FRMPD4: variants seen among roughly 807,000 people sequenced by gnomAD.
FRMPD4 encodes FERM and PDZ domain-containing protein 4.
Under a neutral mutation model 94.1 loss-of-function variants are expected in FRMPD4, and 22 were observed. That is an observed-to-expected ratio of 0.23 (90% confidence interval 0.17 to 0.33). The LOEUF is 0.33. FRMPD4 is among the 10% of genes least tolerant of loss of function. The probability of loss-of-function intolerance (pLI) is 1.00; values close to 1 mark genes in which losing one functional copy is unlikely to be tolerated. For missense variants in FRMPD4, 1,111 were observed against 1,339.9 expected (o/e 0.83, Z 2.67); for synonymous variants, 631 against 548.6 (o/e 1.15, Z -2.10).
chrX:12,366,055 GT>G (rs752014613), intron 1 of FRMPD4, among the ~76,000 whole-genome samples: 3 of 112,264 alleles, frequency 2.7e-5, no homozygotes, highest in Non-Finnish European at 3.8e-5. Context: ...TATGATAGGG[GT>G]TGGGATAGAG....
intron 2 of FRMPD4, among the ~76,000 whole-genome samples, chrX:12,508,727 C>A (rs113342024): frequency 0.013 from 1,417 of 110,994 alleles, 23 homozygotes; most frequent in African/African-American, 0.044. Context: ...GGTGTGGTGG[C>A]TCACGCTTGT....
chrX:11,966,125 G>T (rs1048828562), intron 3 of FRMPD4, among the ~76,000 whole-genome samples: 2 of 111,383 alleles, frequency 1.8e-5, no homozygotes, highest in African/African-American at 6.5e-5. Flanking sequence ...AGAATTAATT[G>T]AAACTTTTCT....
chrX:12,232,924 T>A (rs2057029501), intron 1 of FRMPD4, among the ~76,000 whole-genome samples: 1 of 111,927 alleles, frequency 8.9e-6, no homozygotes, highest in African/African-American at 3.2e-5. Context: ...ACAGGATTCT[T>A]TCAGGAAGAA....
Position 12,716,479 on chromosome X carries a change from C to G in FRMPD4, c.2020C>G (p.Leu674Val). Residue 674 changes from leucine to valine, a missense_variant, in exon 15 of 17, where the codon CTA becomes GTA. By Grantham distance (32) the Leu-to-Val change is conservative (BLOSUM62 1). Around this residue, in one of 8 missense-constraint regions of FRMPD4, gnomAD observed 192 missense variants for 192.5 expected, o/e 1.00. Transcript: ENST00000675598. ...ISPPTLGYET[L>V]LDEGPEMLEK... is the part of the protein sequence containing the mutation. The stretch of plus-strand genomic sequence containing the variant: ...TCCCCCAACCCTTGGCTATGAAACG[C>G]TACTAGATGAGGGTCCTGAAATGCT... 3 of 1,210,553 alleles carry G rather than the reference C, an allele frequency of 2.5e-6. No individual in the cohort carries two copies. Among genetic ancestry groups the G allele is most frequent in the Non-Finnish European group, 3.4e-6 (3 of 894,861 alleles).
At chrX:12,086,499 T>C (rs988181275) in intron 3 of FRMPD4, among the ~76,000 whole-genome samples, 6 of 111,951 alleles carry the variant, frequency 5.4e-5, no homozygotes, top group Non-Finnish European at 9.4e-5. Context: ...GGGTCATTAA[T>C]GTTTAATCTA....
chrX:12,501,437 T>C (rs2057918760), intron 2 of FRMPD4, among the ~76,000 whole-genome samples: 1 of 92,509 alleles, frequency 1.1e-5, no homozygotes, highest in African/African-American at 3.5e-5. Flanking sequence ...TCTTTTCCTT[T>C]CCTTGTTTTT....
intron 3 of FRMPD4, among the ~76,000 whole-genome samples, chrX:11,900,958 C>CAGTG (rs2053933580): frequency 9.0e-6 from 1 of 111,379 alleles, no homozygotes. Context: ...GCCACCACAT[C>CAGTG]AGTGGTTCAT....
chrX:11,875,013 G>A (rs1292426399), intron 2 of FRMPD4, among the ~76,000 whole-genome samples: 2 of 112,370 alleles, frequency 1.8e-5, no homozygotes, highest in Admixed American at 9.4e-5. Context: ...GGCCTTGAAC[G>A]TGAATGTCAG....
chrX:12,054,326 G>A (rs2054841425), intron 3 of FRMPD4, among the ~76,000 whole-genome samples: 1 of 111,114 alleles, frequency 9.0e-6, no homozygotes, highest in Non-Finnish European at 1.9e-5. Flanking sequence ...ACAGATAATG[G>A]TTTAAAGGAC....
chrX:12,361,044 C>T (rs1172660243), intron 1 of FRMPD4, among the ~76,000 whole-genome samples: 1 of 110,059 alleles, frequency 9.1e-6, no homozygotes, highest in Admixed American at 9.7e-5. Context: ...ACAGAAGTCA[C>T]CCAATTTTGT....
intron 3 of FRMPD4, among the ~76,000 whole-genome samples, chrX:11,959,981 T>G (rs889371668): frequency 9.0e-6 from 1 of 111,353 alleles, no homozygotes; most frequent in Admixed American, 9.5e-5. Context: ...GCTCAAGTGT[T>G]TCAAATGATG....
At chrX:12,395,565 TTTCTC>T (rs1482245900) in intron 1 of FRMPD4, among the ~76,000 whole-genome samples, 3 of 111,769 alleles carry the variant, frequency 2.7e-5, no homozygotes, top group Non-Finnish European at 5.6e-5. Context: ...TTTGACATAA[TTTCTC>T]TTGAGAGTTA....
At chrX:12,242,505 T>C (rs1181669629) in intron 1 of FRMPD4, among the ~76,000 whole-genome samples, 1 of 112,643 alleles carries the variant, frequency 8.9e-6, no homozygotes, top group Non-Finnish European at 1.9e-5. Flanking sequence ...AATGGATTTC[T>C]GCATAACACA....
In FRMPD4 at chrX:12,189,767, G is replaced by A. The variant is rs1282547253; in HGVS notation, c.41+50755G>A. Among the ~76,000 whole-genome samples, 3 of 111,419 alleles carry A rather than the reference G, an allele frequency of 2.7e-5. No individual in the cohort carries two copies. In the South Asian group the frequency reaches 1.1e-3, roughly 42 times the overall value. On this transcript the variant is annotated intron_variant, in intron 1 of 16. Coordinates refer to ENST00000675598, the MANE Select transcript of FRMPD4 (RefSeq NM_001368397.1). ...ACAGAATGCACATAAAAAACGTACAGCTAACATACTTAGTGGAGAAAAACT... is the reference window on the plus strand; with the variant it reads ...ACAGAATGCACATAAAAAACGTACAACTAACATACTTAGTGGAGAAAAACT...
intron 4 of FRMPD4, among the ~76,000 whole-genome samples, chrX:12,627,486 A>C: frequency 8.9e-6 from 1 of 112,044 alleles, no homozygotes; most frequent in Non-Finnish European, 1.9e-5. Flanking sequence ...GTTTTCTGAT[A>C]ATTGCAAATT....
At chrX:12,291,476 C>T (rs1569220446) in intron 1 of FRMPD4, among the ~76,000 whole-genome samples, 1 of 112,068 alleles carries the variant, frequency 8.9e-6, no homozygotes, top group Non-Finnish European at 1.9e-5. Context: ...ATGCTAATTA[C>T]TCTTAAATCA....
intron 1 of FRMPD4, among the ~76,000 whole-genome samples, chrX:11,851,747 T>C (rs1252951005): frequency 9.0e-6 from 1 of 111,609 alleles, no homozygotes; most frequent in Non-Finnish European, 1.9e-5. Context: ...CATTTCTTTC[T>C]ATAAGGTTTC....
intron 1 of FRMPD4, among the ~76,000 whole-genome samples, chrX:12,419,832 C>A (rs186611493): frequency 1.8e-4 from 20 of 111,861 alleles, no homozygotes; most frequent in Middle Eastern, 4.6e-3. Context: ...TACTGGTGTT[C>A]TTCCTACCTC....
intron 4 of FRMPD4, among the ~76,000 whole-genome samples, chrX:12,648,366 G>T (rs897332857): frequency 1.8e-5 from 2 of 111,445 alleles, no homozygotes; most frequent in African/African-American, 3.3e-5. Context: ...CCTGGAAACT[G>T]CATTCCTTTC....
Sources: gnomAD v4.1 joint callset for allele counts (sites outside exome capture counted in the v4.1 genomes callset) on GRCh38, gnomAD v4.1.1 for gene constraint, gnomAD v4.1.1 regional missense constraint, MANE v1.5 for transcripts, NCBI Gene and HGNC (gene_info 2026-07-23, HGNC 2026-07-21) for gene names.